The following TPPP2 variants were observed in gnomAD, a reference collection of about 807,000 sequenced individuals.
The protein encoded by TPPP2 is tubulin polymerization-promoting protein family member 2.
Under a neutral mutation model 13.0 loss-of-function variants are expected in TPPP2, and 8 were observed. The ratio of observed to expected loss-of-function variants is 0.62; its 90% CI spans 0.36 to 1.11. The LOEUF is 1.11. Ranked by LOEUF, TPPP2 falls within the 50% of genes most tolerant of loss-of-function variation. The probability of loss-of-function intolerance (pLI) is 0.02; values close to 1 mark genes in which losing one functional copy is unlikely to be tolerated. For synonymous variants in TPPP2, 81 were observed against 81.8 expected, an observed-to-expected ratio of 0.99 and a Z score of 0.05; for missense variants, 213 against 216.9, an observed-to-expected ratio of 0.98 and a Z score of 0.11.
At chr14:21,029,319 G>A (rs901534380), upstream of TPPP2, 21 of 152,126 alleles carry the variant, frequency 1.4e-4, no homozygotes, top group African/African-American at 4.8e-4. Flanking sequence ...CCTAACTCCC[G>A]GCTGGACGCA....
In TPPP2 at chr14:21,031,181, C is replaced by T; in HGVS notation, c.327+16C>T. 1 of 1,611,962 alleles carries T rather than the reference C, an allele frequency of 6.2e-7. No homozygotes were observed. The highest frequency in any genetic ancestry group is 8.5e-7 in the Non-Finnish European group (1 of 1,178,992). Reference sequence around the variant, plus strand: ...TGGCGCTACTGTGAGTGACAGCCTTCATCCCCTTGACCCTACTTCCCTAAA... The same window carrying T: ...TGGCGCTACTGTGAGTGACAGCCTTTATCCCCTTGACCCTACTTCCCTAAA... On this transcript the variant is annotated intron_variant, in intron 3 of 3. Transcript: ENST00000321760.
chr14:21,025,805 CG>C (rs1883527926), upstream of TPPP2: 5 of 203,918 alleles, frequency 2.5e-5, no homozygotes, highest in African/African-American at 1.8e-4. The surrounding 1 kb of genome is among the most constrained non-coding windows in gnomAD (Gnocchi z 5.1). Context: ...CGCGGGCAGG[CG>C]GGGGGTGGGG....
At chr14:21,031,305 G>C in intron 3 of TPPP2, 140 bp downstream of exon 3, 2 of 1,185,752 alleles carry the variant, frequency 1.7e-6, no homozygotes, top group Non-Finnish European at 2.3e-6. Context: ...CATTCCAGAA[G>C]TCAGGAAAAT....
At position 21,030,603 on chromosome 14, in the gene TPPP2, A is replaced by G. The variant is rs758842765; in HGVS notation, c.22A>G (p.Thr8Ala). The G allele has an allele frequency of 3.7e-6, 6 of 1,613,614 alleles. No homozygotes were observed. The African/African-American group carries it at 8.0e-5, about 22-fold the overall frequency. ...GACCATGGCATCAGAGGCAGAAAAA[A>G]CATTCCATCGGTTTGCTGCGTTTGG... is the stretch of plus-strand genomic sequence containing the variant. MASEAEKTFHRFAAFGES... is the reference protein window; with the variant it reads MASEAEKAFHRFAAFGES... Residue 8 changes from threonine (T) to alanine (A), a missense_variant, in exon 2 of 4, where the codon ACA becomes GCA. By Grantham distance (58) the Thr-to-Ala change is moderately conservative. Transcript: ENST00000321760.
rs554130186 is a variant in TPPP2, at chr14:21,032,458, A to G, written c.*381A>G. On this transcript the variant is annotated 3_prime_UTR_variant, in exon 4 of 4. Coordinates refer to ENST00000321760, the MANE Select transcript of TPPP2 (RefSeq NM_173846.5). ...CCCCACCCCTCAAAAGGGTGTAGCAATTCCTCACGTGATGGACTATGACTA... is the reference window on the plus strand; with the variant it reads ...CCCCACCCCTCAAAAGGGTGTAGCAGTTCCTCACGTGATGGACTATGACTA... The G allele has an allele frequency of 5.0e-6, 2 of 401,176 alleles. No homozygotes were observed. The highest frequency in any genetic ancestry group is 2.9e-5 in the Admixed American group (1 of 34,306). The allele number at this position is 401,176 out of a possible 1,614,324, so 24.9% of individuals were successfully genotyped here.
At chr14:21,031,585 G>A (rs542599115) in intron 3 of TPPP2, among the ~76,000 whole-genome samples, 45 of 152,162 alleles carry the variant, frequency 3.0e-4, no homozygotes, top group African/African-American at 1.1e-3. Flanking sequence ...ATATTGAGTC[G>A]GGGAGTGGGA....
upstream of TPPP2, chr14:21,029,021 C>A (rs1396828991): frequency 2.6e-5 from 4 of 152,200 alleles, no homozygotes; most frequent in African/African-American, 9.7e-5. Context: ...ACATCTTTGA[C>A]CTGCATAGAA....
At chr14:21,024,396 C>A in intron 1 of TPPP2, 2 of 906,206 alleles carry the variant, frequency 2.2e-6, no homozygotes, top group Non-Finnish European at 2.6e-6. Context: ...GGCTCTGCCA[C>A]TCCCAGTGTG....
At chr14:21,025,508 C>A, upstream of TPPP2, 2 of 985,460 alleles carry the variant, frequency 2.0e-6, no homozygotes, top group Non-Finnish European at 2.4e-6. The surrounding 1 kb of genome is among the most constrained non-coding windows in gnomAD (Gnocchi z 5.1). Flanking sequence ...ACTCCCCCCG[C>A]CCGAACACAG....
At chr14:21,034,316 T>C, downstream of TPPP2, 1 of 1,569,126 alleles carries the variant, frequency 6.4e-7, no homozygotes, top group Non-Finnish European at 8.7e-7. Context: ...TTAAGGTGGT[T>C]GGGGGCAGCA....
chr14:21,025,699 C>G (rs1883496774), upstream of TPPP2: 2 of 984,600 alleles, frequency 2.0e-6, no homozygotes, highest in African/African-American at 3.5e-5. The surrounding 1 kb of genome is among the most constrained non-coding windows in gnomAD (Gnocchi z 5.1). Context: ...TGCTGCGTCC[C>G]GACGCCTGCT....
At chr14:21,030,215 T>A (rs1883966968), upstream of TPPP2, 1 of 198,842 alleles carries the variant, frequency 5.0e-6, no homozygotes, top group South Asian at 1.2e-4. Context: ...CTCTGTCTCC[T>A]CATTGCCACA....
chr14:21,029,006 G>A (rs1315675389), upstream of TPPP2: 2 of 152,202 alleles, frequency 1.3e-5, no homozygotes, highest in Non-Finnish European at 2.9e-5. Context: ...AGAAAACCCT[G>A]AGGAACATCT....
At chr14:21,024,943 C>T in intron 1 of TPPP2, 1 of 985,664 alleles carries the variant, frequency 1.0e-6, no homozygotes, top group Non-Finnish European at 1.2e-6. Flanking sequence ...GCCTCCAGCT[C>T]CAGGGGACGC....
chr14:21,028,257 T>TTTTGC (rs1883828984), upstream of TPPP2, among the ~76,000 whole-genome samples: 1 of 151,892 alleles, frequency 6.6e-6, no homozygotes, highest in Non-Finnish European at 1.5e-5. Context: ...TTTTGTTTTG[T>TTTTGC]TTTGTTTTGT....
chr14:21,025,378 C>G (rs530526049), upstream of TPPP2: 584 of 985,662 alleles, frequency 5.9e-4, no homozygotes, highest in African/African-American at 9.5e-3. This position sits in a 1 kb window ranked among gnomAD's most constrained non-coding sequence, Gnocchi z 5.1. Flanking sequence ...GCCCTCAGCA[C>G]CGCCCCATCC....
chr14:21,030,194 C>G (rs777527648), upstream of TPPP2: 6 of 186,878 alleles, frequency 3.2e-5, no homozygotes, highest in Non-Finnish European at 5.5e-5. Context: ...ATAGAATCTT[C>G]CCTCTCCTCC....
At chr14:21,033,547 A>T, downstream of TPPP2, 1 of 497,712 alleles carries the variant, frequency 2.0e-6, no homozygotes, top group Non-Finnish European at 3.7e-6. Flanking sequence ...GGACACAGTC[A>T]ACTTCTTGGG....
intron 1 of TPPP2, chr14:21,024,368 C>A: frequency 1.1e-6 from 1 of 951,040 alleles, no homozygotes; most frequent in African/African-American, 1.8e-5. Flanking sequence ...CCTGTCAGAA[C>A]CTCCGGATTC....
Sources: gnomAD v4.1 joint callset for allele counts (sites outside exome capture counted in the v4.1 genomes callset) on GRCh38, gnomAD v4.1.1 for gene constraint, Gnocchi (gnomAD v3.1) non-coding constraint, MANE v1.5 for transcripts, NCBI Gene and HGNC (gene_info 2026-07-23, HGNC 2026-07-21) for gene names.